PAK1: variants seen among roughly 807,000 people sequenced by gnomAD.
The protein encoded by PAK1 is p21 (RAC1) activated kinase 1.
A neutral mutation model predicts 67.4 loss-of-function variants in PAK1; 29 were observed. The ratio of observed to expected loss-of-function variants is 0.43; its 90% CI spans 0.32 to 0.59. PAK1 has a LOEUF of 0.59. Among genes scored for constraint, PAK1 ranks in the 20% least tolerant of loss-of-function variants. The probability of loss-of-function intolerance (pLI) is 0.07; values close to 1 mark genes in which losing one functional copy is unlikely to be tolerated. For synonymous variants in PAK1, 223 were observed against 237.4 expected (o/e 0.94, Z 0.56); for missense variants, 337 against 670.7 (o/e 0.50, Z 5.50).
At chr11:77,444,619 A>G (rs73494599) in intron 1 of PAK1, among the ~76,000 whole-genome samples, 4,388 of 152,308 alleles carry the variant, frequency 0.029, 199 homozygotes, top group African/African-American at 0.099. Context: ...GCCTAAGAAT[A>G]AATTGTTATA....
chr11:77,413,169 G>T (rs535008), intron 1 of PAK1, among the ~76,000 whole-genome samples: 2 of 152,128 alleles, frequency 1.3e-5, no homozygotes, highest in African/African-American at 4.8e-5. Flanking sequence ...TTTAGCAGTG[G>T]GAAGGCTTTG....
At chr11:77,369,267 T>C (rs1414202791) in intron 5 of PAK1, among the ~76,000 whole-genome samples, 1 of 148,858 alleles carries the variant, frequency 6.7e-6, no homozygotes, top group African/African-American at 2.4e-5. Context: ...AGCTGGGAAT[T>C]TTTTCTTCTA....
At chr11:77,461,026 A>G (rs1287797099) in intron 1 of PAK1, among the ~76,000 whole-genome samples, 1 of 152,228 alleles carries the variant, frequency 6.6e-6, no homozygotes, top group Non-Finnish European at 1.5e-5. Flanking sequence ...GAATAGGCCA[A>G]TTCCTGAAGA....
intron 1 of PAK1, among the ~76,000 whole-genome samples, chr11:77,434,551 G>A (rs757988981): frequency 7.2e-5 from 11 of 151,758 alleles, no homozygotes; most frequent in Non-Finnish European, 1.5e-4. Flanking sequence ...GGGCTCAAGC[G>A]ATCTTCCCAC....
At chr11:77,468,030 G>A (rs185222316) in intron 1 of PAK1, among the ~76,000 whole-genome samples, 1 of 152,260 alleles carries the variant, frequency 6.6e-6, no homozygotes, top group Non-Finnish European at 1.5e-5. Context: ...TGCATATACT[G>A]TCATTGTCAT....
At chr11:77,466,700 C>T (rs536318957) in intron 1 of PAK1, among the ~76,000 whole-genome samples, 29 of 152,244 alleles carry the variant, frequency 1.9e-4, no homozygotes, top group Non-Finnish European at 4.1e-4. Context: ...TAGCACATTA[C>T]AGCTTCCAAA....
At chr11:77,343,989 T>TG (rs1944026478) in intron 9 of PAK1, 58 bp from the exon 10 acceptor site, 1 of 1,101,846 alleles carries the variant, frequency 9.1e-7, no homozygotes. Context: ...ATTGAGCACC[T>TG]GCTAAGTACC....
chr11:77,323,574 A>G (rs1451070939), intron 14 of PAK1, among the ~76,000 whole-genome samples: 4 of 152,228 alleles, frequency 2.6e-5, no homozygotes, highest in Non-Finnish European at 4.4e-5. Context: ...TACTCTAGTA[A>G]TTCCAATCCT....
At chr11:77,396,941 C>A (rs1000444224) in intron 1 of PAK1, 3 of 152,296 alleles carry the variant, frequency 2.0e-5, no homozygotes, top group African/African-American at 7.2e-5. Flanking sequence ...CATTTTAAAA[C>A]CTGTACCATT....
At chr11:77,493,646 A>G in the PAK1 span, among the ~76,000 whole-genome samples, 8 of 151,738 alleles carry the variant, frequency 5.3e-5, no homozygotes, top group African/African-American at 1.9e-4. Context: ...AAAAGAAGGA[A>G]GAGAAAAAGG....
intron 1 of PAK1, among the ~76,000 whole-genome samples, chr11:77,401,860 C>G (rs1473787740): frequency 6.6e-6 from 1 of 152,190 alleles, no homozygotes; most frequent in Non-Finnish European, 1.5e-5. Flanking sequence ...ATAATCCATG[C>G]TTCTTGTCCT....
chr11:77,335,790 CCTTA>C (rs1325461685), intron 13 of PAK1, among the ~76,000 whole-genome samples: 1 of 152,136 alleles, frequency 6.6e-6, no homozygotes, highest in Non-Finnish European at 1.5e-5. Flanking sequence ...CTGTTAACTC[CCTTA>C]CTTTGCTTTT....
the PAK1 span, among the ~76,000 whole-genome samples, chr11:77,484,870 T>C: frequency 6.6e-6 from 1 of 152,178 alleles, no homozygotes; most frequent in Non-Finnish European, 1.5e-5. Flanking sequence ...GTTTACTGGA[T>C]TTATAGTTCC....
chr11:77,375,842 T>TCAC (rs1184454687), intron 4 of PAK1, among the ~76,000 whole-genome samples: 1 of 152,126 alleles, frequency 6.6e-6, no homozygotes, highest in Non-Finnish European at 1.5e-5. Context: ...AATATATTCC[T>TCAC]CACCAAGAAC....
the PAK1 span, among the ~76,000 whole-genome samples, chr11:77,504,530 G>A: frequency 3.9e-5 from 6 of 152,182 alleles, no homozygotes; most frequent in African/African-American, 7.2e-5. Context: ...AAAACTTGAC[G>A]AGTGGGAGTT....
At chr11:77,434,763 C>G (rs1040586687) in intron 1 of PAK1, among the ~76,000 whole-genome samples, 1 of 152,092 alleles carries the variant, frequency 6.6e-6, no homozygotes, top group East Asian at 1.9e-4. Flanking sequence ...GGACTACAGG[C>G]ATGCACCACC....
At chr11:77,514,163 C>G in the PAK1 span, among the ~76,000 whole-genome samples, 1 of 152,154 alleles carries the variant, frequency 6.6e-6, no homozygotes, top group Non-Finnish European at 1.5e-5. Flanking sequence ...CCTATGGCCC[C>G]TTTAAGCTTC....
intron 2 of PAK1, among the ~76,000 whole-genome samples, chr11:77,384,352 A>AC: frequency 6.6e-6 from 1 of 152,324 alleles, no homozygotes; most frequent in East Asian, 1.9e-4. Flanking sequence ...TCCCAGGGAT[A>AC]TAGTATCCCT....
chr11:77,322,082 G>C lies in PAK1; in HGVS notation c.*1192C>G, dbSNP rs925563298. The C allele has an allele frequency of 4.6e-6, 1 of 218,640 alleles. No individual in the cohort carries two copies. Among genetic ancestry groups the C allele is most frequent in the Non-Finnish European group, 9.2e-6 (1 of 108,480 alleles). 13.5% of individuals were successfully genotyped at this position (218,640 alleles called of 1,614,324 possible). On this transcript the variant is annotated 3_prime_UTR_variant, in exon 15 of 15. Coordinates refer to ENST00000356341, the MANE Select transcript of PAK1 (RefSeq NM_002576.5). The stretch of plus-strand genomic sequence containing the variant: ...GTGCTGCAGAGGCAGTAGTACCTCA[G>C]AGCATGAGAAGGTAGTCAATGGGGC...
Sources: gnomAD v4.1 joint callset for allele counts (sites outside exome capture counted in the v4.1 genomes callset) on GRCh38, gnomAD v4.1.1 for gene constraint, MANE v1.5 for transcripts, NCBI Gene and HGNC (gene_info 2026-07-23, HGNC 2026-07-21) for gene names.